The following TTC28 variants were observed in gnomAD, a reference collection of about 807,000 sequenced individuals.
TTC28 encodes tetratricopeptide repeat domain 28.
TTC28 carries 61 observed loss-of-function variants against 198.0 expected under a neutral mutation model. The observed-to-expected ratio is 0.31, with a 90% CI of 0.25 to 0.38. The LOEUF is 0.38. TTC28 is among the 10% of genes least tolerant of loss of function. The pLI is 1.00. For missense variants in TTC28, 2,678 were observed against 3,164.0 expected, an observed-to-expected ratio of 0.85 and a Z score of 3.69; for synonymous variants, 1,171 against 1,297.8, an observed-to-expected ratio of 0.90 and a Z score of 2.10.
intron 1 of TTC28, among the ~76,000 whole-genome samples, chr22:28,634,238 G>A (rs2051228113): frequency 6.6e-6 from 1 of 152,204 alleles, no homozygotes; most frequent in Non-Finnish European, 1.5e-5. Flanking sequence ...CTGGCCGGGA[G>A]TGGTGGCTCA....
chr22:28,547,681 C>T (rs934824327), intron 2 of TTC28, among the ~76,000 whole-genome samples: 4 of 151,846 alleles, frequency 2.6e-5, no homozygotes, highest in Non-Finnish European at 5.9e-5. Context: ...CACTGTAATA[C>T]GGTCGCATTC....
chr22:28,362,796 G>T (rs1028941179), intron 2 of TTC28, among the ~76,000 whole-genome samples: 2 of 152,140 alleles, frequency 1.3e-5, no homozygotes, highest in African/African-American at 4.8e-5. Context: ...CTAGAGATTT[G>T]TGGAACTTTG....
intron 2 of TTC28, among the ~76,000 whole-genome samples, chr22:28,534,927 G>A (rs1420482429): frequency 6.6e-6 from 1 of 152,020 alleles, no homozygotes; most frequent in Non-Finnish European, 1.5e-5. Context: ...TTGGGGGAGG[G>A]GGCAGGGGTA....
At position 27,978,837 on chromosome 22, in the gene TTC28, A is replaced by G. The variant is rs534602342; in HGVS notation, c.*3384T>C. 2 of 152,346 alleles carry G rather than the reference A, an allele frequency of 1.3e-5. No homozygotes were observed. The highest frequency in any genetic ancestry group is 3.9e-4 in the East Asian group (2 of 5,186). 9.4% of individuals were successfully genotyped at this position (152,346 alleles called of 1,614,324 possible). A position where few individuals can be genotyped will look rare whatever the true frequency, so the allele number is the denominator to read the frequency against. On this transcript the variant is annotated 3_prime_UTR_variant, in exon 23 of 23. Transcript: ENST00000397906. ...GCTCTGTGGTCCTGCTGAGGTTTCTAAGAGAGGGGAGTTGTACGGCTTATA... is the reference window on the plus strand; with the variant it reads ...GCTCTGTGGTCCTGCTGAGGTTTCTGAGAGAGGGGAGTTGTACGGCTTATA...
chr22:28,246,191 T>C (rs1449239806), intron 5 of TTC28, among the ~76,000 whole-genome samples: 1 of 152,190 alleles, frequency 6.6e-6, no homozygotes, highest in East Asian at 1.9e-4. Flanking sequence ...GAACATAGCA[T>C]TTGTACACAA....
At chr22:28,508,125 A>T (rs1165620664) in intron 2 of TTC28, among the ~76,000 whole-genome samples, 1 of 152,202 alleles carries the variant, frequency 6.6e-6, no homozygotes, top group Admixed American at 6.5e-5. Flanking sequence ...CTAGATAAAG[A>T]GCCAACACCC....
intron 2 of TTC28, among the ~76,000 whole-genome samples, chr22:28,432,374 TA>T (rs2047446619): frequency 6.6e-6 from 1 of 152,070 alleles, no homozygotes; most frequent in African/African-American, 2.4e-5. Flanking sequence ...GTTAATACTT[TA>T]AAAATTAGCT....
chr22:28,432,464 T>C (rs1799638746), intron 2 of TTC28, among the ~76,000 whole-genome samples: 1 of 152,106 alleles, frequency 6.6e-6, no homozygotes, highest in Non-Finnish European at 1.5e-5. Flanking sequence ...CCTTAAAAAA[T>C]AAAGTCACCG....
At chr22:28,032,159 TTA>T (rs1939113128) in intron 12 of TTC28, among the ~76,000 whole-genome samples, 1 of 121,494 alleles carries the variant, frequency 8.2e-6, no homozygotes, top group Non-Finnish European at 1.7e-5. Context: ...TTATATCTAC[TTA>T]GTGTGTGTAT....
At chr22:28,674,265 G>GTTTTTTTTTTTTTT (rs943369337) in intron 1 of TTC28, among the ~76,000 whole-genome samples, 1 of 107,644 alleles carries the variant, frequency 9.3e-6, no homozygotes, top group Non-Finnish European at 1.9e-5. Flanking sequence ...TTTCTTTGTG[G>GTTTTTTTTTTTTTT]TTTTTTTTTT....
chr22:28,144,959 G>A (rs908303954), intron 6 of TTC28, among the ~76,000 whole-genome samples: 1 of 152,218 alleles, frequency 6.6e-6, no homozygotes, highest in Non-Finnish European at 1.5e-5. Flanking sequence ...GGAGGAACCT[G>A]ATGGTCAGAA....
At position 27,982,752 on chromosome 22, in the gene TTC28, G is replaced by A; in HGVS notation, c.6915C>T (p.Asn2305=). 4 of 1,550,758 alleles carry A rather than the reference G, an allele frequency of 2.6e-6. No homozygotes were observed. Among genetic ancestry groups the A allele is most frequent in the Non-Finnish European group, 3.5e-6 (4 of 1,146,338 alleles). ...YSAHISKSPR[N]MSPSSGHQSP... ...ACTGGTGGCCGGAGCTTGGGGACATGTTCCTTGGTGATTTGGAAATGTGAG... is the reference window on the plus strand; with the variant it reads ...ACTGGTGGCCGGAGCTTGGGGACATATTCCTTGGTGATTTGGAAATGTGAG... Residue 2305 remains asparagine (N), a synonymous_variant, in exon 23 of 23, where the codon AAC becomes AAT. Coordinates refer to ENST00000397906, the MANE Select transcript of TTC28 (RefSeq NM_001145418.2). This position sits in a 1 kb window ranked among gnomAD's most constrained non-coding sequence, Gnocchi z 5.2.
chr22:28,018,965 A>G (rs1938489686), intron 13 of TTC28, among the ~76,000 whole-genome samples: 1 of 152,228 alleles, frequency 6.6e-6, no homozygotes, highest in Non-Finnish European at 1.5e-5. Context: ...TTTCACATGC[A>G]GTTTCTGTTC....
intron 5 of TTC28, among the ~76,000 whole-genome samples, chr22:28,218,176 C>G (rs1927554832): frequency 6.6e-6 from 1 of 152,180 alleles, no homozygotes; most frequent in South Asian, 2.1e-4. Context: ...TACTCTGTTA[C>G]TTTCAAATGC....
chr22:28,580,708 T>C (rs1468837995), intron 2 of TTC28, among the ~76,000 whole-genome samples: 1 of 152,236 alleles, frequency 6.6e-6, no homozygotes, highest in Admixed American at 6.5e-5. Context: ...ATTATTTTTA[T>C]CTGAATCTAT....
intron 1 of TTC28, among the ~76,000 whole-genome samples, chr22:28,640,145 A>G (rs2051339715): frequency 6.6e-6 from 1 of 151,938 alleles, no homozygotes; most frequent in Admixed American, 6.6e-5. Flanking sequence ...CACCTCTACT[A>G]AAAATACAAA....
intron 9 of TTC28, among the ~76,000 whole-genome samples, chr22:28,100,666 C>T (rs777734011): frequency 1.3e-5 from 2 of 152,160 alleles, no homozygotes; most frequent in African/African-American, 4.8e-5. Flanking sequence ...TGGATGAGTG[C>T]GTGATCTTAG....
At chr22:28,579,636 G>A (rs2050205579) in intron 2 of TTC28, among the ~76,000 whole-genome samples, 1 of 151,542 alleles carries the variant, frequency 6.6e-6, no homozygotes, top group Non-Finnish European at 1.5e-5. Context: ...ATGTGTGTGT[G>A]TGTGTGTGTG....
At chr22:28,288,684 G>T (rs1294901647) in intron 5 of TTC28, among the ~76,000 whole-genome samples, 1 of 151,568 alleles carries the variant, frequency 6.6e-6, no homozygotes, top group Non-Finnish European at 1.5e-5. Context: ...GTTGTGGCGG[G>T]TGCCTGTAGT....
Sources: allele counts gnomAD v4.1 joint callset (sites outside exome capture counted in the v4.1 genomes callset), GRCh38; gene constraint gnomAD v4.1.1; non-coding constraint Gnocchi (gnomAD v3.1); transcripts MANE v1.5; gene names NCBI Gene and HGNC (gene_info 2026-07-23, HGNC 2026-07-21).